The following DMD variants were observed in gnomAD, a reference collection of about 807,000 sequenced individuals.
The protein encoded by DMD is mutant dystrophin.
DMD carries 63 observed loss-of-function variants against 330.1 expected under a neutral mutation model. That is an observed-to-expected ratio of 0.19 (90% confidence interval 0.16 to 0.24). DMD has a LOEUF of 0.24. DMD is among the 10% of genes least tolerant of loss of function. The probability of loss-of-function intolerance (pLI) is 1.00; values close to 1 mark genes in which losing one functional copy is unlikely to be tolerated. For missense variants in DMD, 3,344 were observed against 2,684.1 expected, an observed-to-expected ratio of 1.25 and a Z score of -5.43; for synonymous variants, 1,223 against 959.8, an observed-to-expected ratio of 1.27 and a Z score of -5.07.
chrX:32,660,510 A>G (rs1032194801), intron 9 of DMD, among the ~76,000 whole-genome samples: 1 of 111,282 alleles, frequency 9.0e-6, no homozygotes, highest in Non-Finnish European at 1.9e-5. Flanking sequence ...CTTTCCATTT[A>G]TTTTCTGTAG....
intron 41 of DMD, among the ~76,000 whole-genome samples, chrX:32,335,772 C>T (rs55661513): frequency 4.8e-5 from 4 of 83,286 alleles, no homozygotes; most frequent in Non-Finnish European, 9.5e-5. Context: ...ATATATAAAA[C>T]GTTATATATG....
At chrX:32,293,786 A>G (rs2097483826) in intron 42 of DMD, among the ~76,000 whole-genome samples, 2 of 111,874 alleles carry the variant, frequency 1.8e-5, no homozygotes, top group Admixed American at 9.5e-5. Flanking sequence ...ATCAAACAAT[A>G]TATCCATGTA....
intron 54 of DMD, among the ~76,000 whole-genome samples, chrX:31,629,308 G>A (rs905547693): frequency 9.0e-6 from 1 of 111,562 alleles, no homozygotes; most frequent in Non-Finnish European, 1.9e-5. Flanking sequence ...CCGAGCCAGC[G>A]GCAGCAAAGC....
chrX:31,590,117 C>G (rs1459947821), intron 55 of DMD, among the ~76,000 whole-genome samples: 6 of 110,095 alleles, frequency 5.4e-5, no homozygotes, highest in Non-Finnish European at 3.8e-5. Context: ...TATATTTCTC[C>G]CTGTGGCAAA....
chrX:33,333,613 G>A (rs775459699), intron 1 of DMD, among the ~76,000 whole-genome samples: 2 of 111,011 alleles, frequency 1.8e-5, no homozygotes, highest in East Asian at 2.8e-4. Flanking sequence ...GGGGATTTTA[G>A]TTGCACATTA....
intron 55 of DMD, among the ~76,000 whole-genome samples, chrX:31,619,732 A>T (rs2078419729): frequency 8.9e-6 from 1 of 112,254 alleles, no homozygotes; most frequent in Non-Finnish European, 1.9e-5. Flanking sequence ...TTTAGTCATT[A>T]CTTTGTATCA....
upstream of DMD, among the ~76,000 whole-genome samples, chrX:33,212,514 C>T: frequency 9.0e-6 from 1 of 111,593 alleles, no homozygotes; most frequent in East Asian, 2.8e-4. Flanking sequence ...ATAATAATCC[C>T]TACTAAAATT....
intron 47 of DMD, among the ~76,000 whole-genome samples, chrX:31,917,660 G>A (rs1427272906): frequency 8.9e-6 from 1 of 112,282 alleles, no homozygotes; most frequent in Non-Finnish European, 1.9e-5. Flanking sequence ...TTATTGTCAC[G>A]CATCTTTATG....
chrX:31,998,563 T>C (rs1237530948), intron 44 of DMD, among the ~76,000 whole-genome samples: 2 of 111,911 alleles, frequency 1.8e-5, no homozygotes. Context: ...AAGGCTGATT[T>C]GTAAACAAAA....
intron 2 of DMD, among the ~76,000 whole-genome samples, chrX:32,902,305 TC>T (rs1392519540): frequency 3.6e-5 from 4 of 109,828 alleles, no homozygotes; most frequent in Non-Finnish European, 7.6e-5. Flanking sequence ...TTTCTATAGT[TC>T]CAGCAGAAAG....
At chrX:31,206,103 A>G (rs761472935) in intron 66 of DMD, among the ~76,000 whole-genome samples, 23 of 112,732 alleles carry the variant, frequency 2.0e-4, no homozygotes, top group African/African-American at 7.4e-4. Context: ...CTGTCTCTCA[A>G]ATAATAAAAT....
chrX:33,160,247 T>C (rs889036323), intron 1 of DMD, among the ~76,000 whole-genome samples: 1 of 111,897 alleles, frequency 8.9e-6, no homozygotes, highest in Non-Finnish European at 1.9e-5. Context: ...TATTTTCAAA[T>C]TATGGTGGGT....
chrX:32,939,252 ATATATATGTG>A (rs2146791558), intron 2 of DMD, among the ~76,000 whole-genome samples: 1 of 105,204 alleles, frequency 9.5e-6, no homozygotes, highest in South Asian at 4.1e-4. Context: ...ATATATATGT[ATATATATGTG>A]TATATACGTG....
At chrX:31,313,112 AG>A (rs2055664062) in intron 62 of DMD, among the ~76,000 whole-genome samples, 1 of 106,950 alleles carries the variant, frequency 9.4e-6, no homozygotes, top group Non-Finnish European at 1.9e-5. Context: ...AGAAAAAAGA[AG>A]GGGGGAGATC....
chrX:31,536,177 T>C (rs1438750456), intron 55 of DMD, among the ~76,000 whole-genome samples: 1 of 111,461 alleles, frequency 9.0e-6, no homozygotes, highest in Non-Finnish European at 1.9e-5. Flanking sequence ...AATGAGATAA[T>C]TGAAAACTAT....
At chrX:32,235,519 T>A (rs927931283) in intron 43 of DMD, among the ~76,000 whole-genome samples, 1 of 110,776 alleles carries the variant, frequency 9.0e-6, no homozygotes, top group Non-Finnish European at 1.9e-5. Context: ...TAAAATACTA[T>A]ATTTTTTTCA....
chrX:32,775,383 C>A (rs943827919), intron 7 of DMD, among the ~76,000 whole-genome samples: 1 of 112,760 alleles, frequency 8.9e-6, no homozygotes. Flanking sequence ...CCCTGCATTG[C>A]CCTAGTAGAG....
chrX:32,534,605 G>C (rs779671873), intron 17 of DMD, among the ~76,000 whole-genome samples: 1 of 111,315 alleles, frequency 9.0e-6, no homozygotes, highest in East Asian at 2.8e-4. Flanking sequence ...TCACTCAGTT[G>C]CAGGTATTTC....
chrX:32,866,048 C>G (rs1046032780), intron 2 of DMD, among the ~76,000 whole-genome samples: 1 of 112,408 alleles, frequency 8.9e-6, no homozygotes, highest in Non-Finnish European at 1.9e-5. Context: ...CTCAAAAGGG[C>G]TTGAACACTT....
Sources: gnomAD v4.1 joint callset for allele counts (sites outside exome capture counted in the v4.1 genomes callset) on GRCh38, gnomAD v4.1.1 for gene constraint, MANE v1.5 for transcripts, NCBI Gene and HGNC (gene_info 2026-07-23, HGNC 2026-07-21) for gene names.